The following CCNY variants were observed in gnomAD, a reference collection of about 807,000 sequenced individuals.
CCNY encodes cyclin Y, also known as cyclin-Y.
CCNY carries 19 observed loss-of-function variants against 42.8 expected under a neutral mutation model. The ratio of observed to expected loss-of-function variants is 0.44; its 90% CI spans 0.31 to 0.65. The LOEUF is 0.65. Ranked by LOEUF, CCNY falls within the 30% of genes least tolerant of loss-of-function variation. CCNY has a pLI of 0.07. For missense variants in CCNY, 370 were observed against 437.3 expected (o/e 0.85, Z 1.37); for synonymous variants, 165 against 162.7 (o/e 1.01, Z -0.11).
At chr10:35,346,385 A>C (rs1048584032) in intron 1 of CCNY, among the ~76,000 whole-genome samples, 8 of 152,176 alleles carry the variant, frequency 5.3e-5, no homozygotes, top group African/African-American at 1.4e-4. Flanking sequence ...CTTGGAAAGA[A>C]GGGTGTGCTA....
chr10:35,495,762 C>G (rs1839991632), intron 2 of CCNY, among the ~76,000 whole-genome samples: 1 of 152,124 alleles, frequency 6.6e-6, no homozygotes, highest in South Asian at 2.1e-4. Flanking sequence ...GGGTGATGTT[C>G]CTGCTACAGT....
intron 1 of CCNY, among the ~76,000 whole-genome samples, chr10:35,389,564 C>A (rs1162202665): frequency 6.6e-6 from 1 of 151,862 alleles, no homozygotes; most frequent in Non-Finnish European, 1.5e-5. Flanking sequence ...CTCAGCCTCC[C>A]AAGTAGCTGG....
intron 2 of CCNY, 34 bp downstream of exon 2, chr10:35,483,512 A>C (rs747815257): frequency 2.9e-6 from 4 of 1,379,862 alleles, no homozygotes; most frequent in Non-Finnish European, 4.1e-6. Context: ...TTTTGTAAAA[A>C]AGGCTCATGT....
chr10:35,488,421 G>T (rs1227832680), intron 2 of CCNY, among the ~76,000 whole-genome samples: 1 of 152,084 alleles, frequency 6.6e-6, no homozygotes, highest in African/African-American at 2.4e-5. Flanking sequence ...TCCTCCGAGC[G>T]CTGCCATGGC....
chr10:35,533,445 T>C (rs1372427635), intron 7 of CCNY, among the ~76,000 whole-genome samples: 1 of 152,156 alleles, frequency 6.6e-6, no homozygotes, highest in Non-Finnish European at 1.5e-5. Flanking sequence ...CTCTCCTCAG[T>C]GTCATGCTGC....
chr10:35,303,708 C>T (rs1188133871), intron 3 of CCNY, among the ~76,000 whole-genome samples: 1 of 129,246 alleles, frequency 7.7e-6, no homozygotes, highest in African/African-American at 3.0e-5. Flanking sequence ...ACCTGGGAGG[C>T]GGAGGTTGCG....
intron 1 of CCNY, among the ~76,000 whole-genome samples, chr10:35,385,336 G>A (rs1837280575): frequency 6.6e-6 from 1 of 152,140 alleles, no homozygotes. Context: ...CTCACCGTTT[G>A]CCAGCAATAA....
chr10:35,494,242 C>CG lies in CCNY; in HGVS notation c.230-7259_230-7258insG, dbSNP rs370357628. Reference sequence around the variant, plus strand: ...CTGGACAGCATAGTGAGACCCCCCCCCCCATTTCTACAAAAAAATAAAGAT... The same window carrying CG: ...CTGGACAGCATAGTGAGACCCCCCCCGCCCATTTCTACAAAAAAATAAAGAT... On this transcript the variant is annotated intron_variant, in intron 2 of 9. Transcript: ENST00000374704. 2.1e-3 allele frequency among the ~76,000 whole-genome samples: 296 copies of CG among 140,832 alleles called. 4 individuals carry two copies. Among genetic ancestry groups the CG allele is most frequent in the African/African-American group, 8.0e-3 (275 of 34,396 alleles). The allele number at this position is 140,832 out of a possible 152,430, so 92.4% of individuals were successfully genotyped here.
At chr10:35,307,633 C>T (rs1258816269) in intron 3 of CCNY, among the ~76,000 whole-genome samples, 3 of 151,528 alleles carry the variant, frequency 2.0e-5, no homozygotes, top group Non-Finnish European at 4.4e-5. Context: ...ATGCCATTTT[C>T]ATCCTTTCAA....
At chr10:35,259,921 G>A (rs1245827436) in intron 3 of CCNY, among the ~76,000 whole-genome samples, 1 of 150,746 alleles carries the variant, frequency 6.6e-6, no homozygotes, top group Non-Finnish European at 1.5e-5. Context: ...GGACCCTGGG[G>A]CATCCCATTG....
chr10:35,521,628 G>A (rs554940099), intron 4 of CCNY, among the ~76,000 whole-genome samples: 2 of 152,334 alleles, frequency 1.3e-5, no homozygotes, highest in African/African-American at 2.4e-5. Flanking sequence ...AGACTGGATC[G>A]TTCTGGCCCT....
chr10:35,455,005 A>G lies in CCNY; in HGVS notation c.155-28399A>G, dbSNP rs908896605. Among the ~76,000 whole-genome samples the G allele has an allele frequency of 2.6e-5, 4 of 152,190 alleles. No homozygotes were observed. In the East Asian group the frequency reaches 5.8e-4, roughly 22 times the overall value. On this transcript the variant is annotated intron_variant, in intron 1 of 9. Coordinates refer to ENST00000374704, the MANE Select transcript of CCNY (RefSeq NM_145012.6). ...GTACCTTCCATTCCATACAATAACC[A>G]TTGAAGGGCTTCATCTTAATTAACT...
chr10:35,260,466 A>G (rs2095718719), intron 3 of CCNY, among the ~76,000 whole-genome samples: 1 of 152,062 alleles, frequency 6.6e-6, no homozygotes, highest in Non-Finnish European at 1.5e-5. Context: ...CAAATCTGGG[A>G]CCCCGATCAG....
chr10:35,569,450 G>A lies in CCNY; in HGVS notation c.*280G>A, dbSNP rs563239300. 2.0e-5 allele frequency: 9 copies of A among 458,664 alleles called. No homozygotes were observed. The highest frequency in any genetic ancestry group is 8.1e-5 in the East Asian group (2 of 24,644). The allele number at this position is 458,664 out of a possible 1,614,324, so 28.4% of individuals were successfully genotyped here. ...GAGGAAATAAAGGGAAAGGGAAGTCGTGGAGAGGCAGGGAAAATGGTTAAG... is the reference window on the plus strand; with the variant it reads ...GAGGAAATAAAGGGAAAGGGAAGTCATGGAGAGGCAGGGAAAATGGTTAAG... On this transcript the variant is annotated 3_prime_UTR_variant, in exon 10 of 10. Coordinates refer to ENST00000374704, the MANE Select transcript of CCNY (RefSeq NM_145012.6).
chr10:35,312,237 C>T (rs975684115), intron 3 of CCNY, among the ~76,000 whole-genome samples: 4 of 151,380 alleles, frequency 2.6e-5, no homozygotes, highest in African/African-American at 7.3e-5. Flanking sequence ...CAAAATTAGC[C>T]GGGTGTGGTG....
At chr10:35,444,222 G>A (rs945490909) in intron 1 of CCNY, among the ~76,000 whole-genome samples, 5 of 151,366 alleles carry the variant, frequency 3.3e-5, no homozygotes, top group African/African-American at 1.2e-4. Context: ...CCTGCCTGAG[G>A]CTGTTTCACA....
chr10:35,559,703 C>T (rs922571364), intron 8 of CCNY, among the ~76,000 whole-genome samples: 13 of 152,212 alleles, frequency 8.5e-5, no homozygotes, highest in African/African-American at 3.1e-4. Flanking sequence ...TTCCACGGGC[C>T]AGCAGAACTG....
chr10:35,327,159 A>G (rs1323292103), intron 3 of CCNY, among the ~76,000 whole-genome samples: 1 of 152,256 alleles, frequency 6.6e-6, no homozygotes, highest in East Asian at 1.9e-4. Context: ...ATAAATATTT[A>G]AAGTAAAAAA....
At chr10:35,276,250 G>T (rs1001965489) in intron 3 of CCNY, among the ~76,000 whole-genome samples, 1 of 152,116 alleles carries the variant, frequency 6.6e-6, no homozygotes, top group Non-Finnish European at 1.5e-5. Flanking sequence ...ACTCCTCCTC[G>T]CTGCCATTTT....
Sources: allele counts gnomAD v4.1 joint callset (sites outside exome capture counted in the v4.1 genomes callset), GRCh38; gene constraint gnomAD v4.1.1; transcripts MANE v1.5; gene names NCBI Gene and HGNC (gene_info 2026-07-23, HGNC 2026-07-21).